TNS3: variants seen among roughly 807,000 people sequenced by gnomAD.
TNS3 encodes the protein tensin-3.
In TNS3, 45 loss-of-function variants were observed where a neutral mutation model predicts 140.9. The observed-to-expected ratio is 0.32, with a 90% CI of 0.25 to 0.41. The LOEUF is 0.41. Among genes scored for constraint, TNS3 ranks in the 10% least tolerant of loss-of-function variants. The probability of loss-of-function intolerance (pLI) is 1.00; values close to 1 mark genes in which losing one functional copy is unlikely to be tolerated. For missense variants in TNS3, 1,716 were observed against 1,906.7 expected, an observed-to-expected ratio of 0.90 and a Z score of 1.86; for synonymous variants, 815 against 788.4, an observed-to-expected ratio of 1.03 and a Z score of -0.56.
intron 3 of TNS3, among the ~76,000 whole-genome samples, chr7:47,503,605 A>G (rs1223271566): frequency 8.1e-6 from 1 of 124,142 alleles, no homozygotes; most frequent in Non-Finnish European, 1.8e-5. Flanking sequence ...CTTAAGTATT[A>G]ACATAACCAA....
At chr7:47,294,325 C>A (rs1785882963) in intron 24 of TNS3, among the ~76,000 whole-genome samples, 1 of 152,192 alleles carries the variant, frequency 6.6e-6, no homozygotes, top group African/African-American at 2.4e-5. Flanking sequence ...AGAAAGCAAG[C>A]ACTCAGCTGC....
At chr7:47,348,208 C>T (rs1240438865) in intron 17 of TNS3, among the ~76,000 whole-genome samples, 2 of 152,254 alleles carry the variant, frequency 1.3e-5, no homozygotes, top group Non-Finnish European at 2.9e-5. Context: ...GTTCCTGAAG[C>T]AGTCAAGGTG....
chr7:47,511,619 C>A (rs534094318), intron 2 of TNS3, among the ~76,000 whole-genome samples: 36 of 151,896 alleles, frequency 2.4e-4, no homozygotes, highest in African/African-American at 8.7e-4. Context: ...CGAGGGCAAC[C>A]CCGTTCATTC....
chr7:47,510,335 G>A (rs1328600598), intron 2 of TNS3, among the ~76,000 whole-genome samples: 1 of 152,162 alleles, frequency 6.6e-6, no homozygotes, highest in African/African-American at 2.4e-5. Flanking sequence ...AAGACAAAAC[G>A]TATGTGTTCA....
intron 1 of TNS3, among the ~76,000 whole-genome samples, chr7:47,543,306 C>A (rs945363457): frequency 6.6e-6 from 1 of 152,236 alleles, no homozygotes; most frequent in Non-Finnish European, 1.5e-5. Context: ...ACCTATCCAG[C>A]AAACATCTTC....
At chr7:47,542,177 G>T (rs1432213255) in intron 1 of TNS3, among the ~76,000 whole-genome samples, 1 of 152,190 alleles carries the variant, frequency 6.6e-6, no homozygotes, top group Non-Finnish European at 1.5e-5. Flanking sequence ...AAAGGGAAAA[G>T]AGTAAGTCAA....
chr7:47,318,132 T>C (rs1294089531), intron 20 of TNS3, among the ~76,000 whole-genome samples: 1 of 152,196 alleles, frequency 6.6e-6, no homozygotes, highest in East Asian at 1.9e-4. Context: ...ACTTTCTGTA[T>C]GTATGAATTC....
chr7:47,513,526 C>T (rs139015345), intron 2 of TNS3, among the ~76,000 whole-genome samples: 2 of 152,320 alleles, frequency 1.3e-5, no homozygotes, highest in Non-Finnish European at 2.9e-5. Flanking sequence ...GGCTACTTTG[C>T]TAAGTAAACA....
At chr7:47,563,956 G>A (rs1370644091) in intron 1 of TNS3, among the ~76,000 whole-genome samples, 2 of 152,144 alleles carry the variant, frequency 1.3e-5, no homozygotes, top group Non-Finnish European at 2.9e-5. Context: ...CACTTTGGGA[G>A]GCCAAGATGG....
intron 20 of TNS3, among the ~76,000 whole-genome samples, chr7:47,311,764 T>C (rs1047266162): frequency 2.0e-5 from 3 of 152,094 alleles, no homozygotes; most frequent in Admixed American, 1.3e-4. Flanking sequence ...AAAATATACA[T>C]ACTGAGAATT....
intron 20 of TNS3, among the ~76,000 whole-genome samples, chr7:47,308,913 A>C (rs1220905420): frequency 1.3e-5 from 2 of 152,146 alleles, no homozygotes; most frequent in African/African-American, 4.8e-5. Context: ...CGTATGGCGG[A>C]TCCTCTGCAG....
intron 4 of TNS3, among the ~76,000 whole-genome samples, chr7:47,466,420 A>G (rs1796718607): frequency 6.6e-6 from 1 of 152,220 alleles, no homozygotes; most frequent in Admixed American, 6.5e-5. Context: ...TGCTGGGATT[A>G]CAGGCGTGAG....
Position 47,400,664 on chromosome 7 carries a change from G to T in TNS3, c.853+121C>A, listed in dbSNP as rs540416219. ...TCAATGATCATTTTCTCCTACTTTG[G>T]GAACAATTTTGTCAGTAGGCTGAAT... On this transcript the variant is annotated intron_variant, in intron 14 of 30. Coordinates refer to ENST00000311160, the MANE Select transcript of TNS3 (RefSeq NM_022748.12). The T allele has an allele frequency of 2.8e-4, 415 of 1,494,954 alleles. 1 individual carries two copies. Among genetic ancestry groups the T allele is most frequent in the Middle Eastern group, 1.3e-3 (6 of 4,792 alleles). The allele number at this position is 1,494,954 out of a possible 1,614,324, so 92.6% of individuals were successfully genotyped here.
intron 13 of TNS3, among the ~76,000 whole-genome samples, chr7:47,409,348 G>A (rs1032084109): frequency 1.3e-5 from 2 of 151,978 alleles, no homozygotes; most frequent in African/African-American, 4.8e-5. Context: ...CTGGTCTCAG[G>A]AAGACCCTGC....
In TNS3 at chr7:47,326,047, T is replaced by G. The variant is rs367685527; in HGVS notation, c.2650+18708A>C. ...GGAGAAATGTTGCCATCAGTACAGGTGCCAATCTGAATGTCAACAGCTTTT... is the reference window on the plus strand; with the variant it reads ...GGAGAAATGTTGCCATCAGTACAGGGGCCAATCTGAATGTCAACAGCTTTT... On this transcript the variant is annotated intron_variant, in intron 20 of 30. Transcript: ENST00000311160. Among the ~76,000 whole-genome samples, 55 of 152,304 alleles carry G rather than the reference T, an allele frequency of 3.6e-4. 1 individual carries two copies. The highest frequency in any genetic ancestry group is 1.3e-3 in the African/African-American group (52 of 41,576).
intron 20 of TNS3, among the ~76,000 whole-genome samples, chr7:47,315,396 G>A (rs182496594): frequency 4.6e-5 from 7 of 152,306 alleles, no homozygotes; most frequent in East Asian, 1.9e-4. Context: ...GCGCGTGCCC[G>A]TCGTTCTGGG....
chr7:47,277,784 A>G lies in TNS3; in HGVS notation c.*292T>C. 1 of 462,442 alleles carries G rather than the reference A, an allele frequency of 2.2e-6. No individual in the cohort carries two copies. Among genetic ancestry groups the G allele is most frequent in the East Asian group, 4.5e-5 (1 of 22,452 alleles). The allele number at this position is 462,442 out of a possible 1,614,324, so 28.6% of individuals were successfully genotyped here. ...CTCGTGTTCTGTGCTGTTTCCTTGC[A>G]TGTCCCTTTCCCATGGGGACCCTAG... is the stretch of plus-strand genomic sequence containing the variant. On this transcript the variant is annotated 3_prime_UTR_variant, in exon 31 of 31. Coordinates refer to ENST00000311160, the MANE Select transcript of TNS3 (RefSeq NM_022748.12).
At chr7:47,353,063 ACCAG>A (rs1789779677) in intron 17 of TNS3, among the ~76,000 whole-genome samples, 1 of 152,164 alleles carries the variant, frequency 6.6e-6, no homozygotes, top group African/African-American at 2.4e-5. Context: ...TACGCTGCCT[ACCAG>A]GATCAATGCT....
intron 20 of TNS3, among the ~76,000 whole-genome samples, chr7:47,329,634 C>T (rs1788222903): frequency 1.3e-5 from 2 of 152,196 alleles, no homozygotes; most frequent in South Asian, 4.1e-4. Flanking sequence ...GCAGCAGCTC[C>T]TGCAAATGAT....
Sources: allele counts gnomAD v4.1 joint callset (sites outside exome capture counted in the v4.1 genomes callset), GRCh38; gene constraint gnomAD v4.1.1; transcripts MANE v1.5; gene names NCBI Gene and HGNC (gene_info 2026-07-23, HGNC 2026-07-21).